The following SLC33A1 variants were observed in gnomAD, a reference collection of about 807,000 sequenced individuals.
SLC33A1 encodes the protein solute carrier family 33 member 1.
Under a neutral mutation model 50.0 loss-of-function variants are expected in SLC33A1, and 20 were observed. That is an observed-to-expected ratio of 0.40 (90% CI 0.28 to 0.58). The LOEUF is 0.58. Ranked by LOEUF, SLC33A1 falls within the 20% of genes least tolerant of loss-of-function variation. The probability of loss-of-function intolerance (pLI) is 0.44; values close to 1 mark genes in which losing one functional copy is unlikely to be tolerated. For missense variants in SLC33A1, 476 were observed against 657.0 expected (o/e 0.72, Z 3.01); for synonymous variants, 265 against 251.8 (o/e 1.05, Z -0.50).
chr3:155,841,747 T>C (rs1321670313), intron 2 of SLC33A1, among the ~76,000 whole-genome samples: 4 of 152,006 alleles, frequency 2.6e-5, no homozygotes, highest in Non-Finnish European at 5.9e-5. Flanking sequence ...TATTTATTTA[T>C]TTATTTATTT....
intron 1 of SLC33A1, among the ~76,000 whole-genome samples, chr3:155,846,150 A>G (rs527777121): frequency 1.3e-5 from 2 of 152,364 alleles, no homozygotes; most frequent in East Asian, 1.9e-4. Flanking sequence ...AGTGTCTATT[A>G]TAAGATCTGG....
chr3:155,830,208 CA>C (rs1182731725), intron 4 of SLC33A1, among the ~76,000 whole-genome samples: 6,713 of 105,284 alleles, frequency 0.064, 454 homozygotes, highest in African/African-American at 0.19. Context: ...CTGAAAAATA[CA>C]AAAAAAAAAA....
intron 5 of SLC33A1, among the ~76,000 whole-genome samples, chr3:155,828,865 C>T (rs1309173862): frequency 7.3e-5 from 11 of 150,610 alleles, no homozygotes; most frequent in Admixed American, 6.6e-5. Flanking sequence ...GCTGGAATTA[C>T]GGGTGTGAGC....
At chr3:155,839,765 T>A (rs778544023) in intron 2 of SLC33A1, among the ~76,000 whole-genome samples, 3 of 151,912 alleles carry the variant, frequency 2.0e-5, no homozygotes, top group South Asian at 2.1e-4. Flanking sequence ...CTGGCCGACA[T>A]AGTGAAACCC....
intron 5 of SLC33A1, 64 bp from the exon 6 acceptor site, chr3:155,828,441 A>G: frequency 1.1e-6 from 1 of 890,784 alleles, no homozygotes. Context: ...AGCAATTAAC[A>G]TGCTTCTACT....
chr3:155,852,983 GGTTGT>G (rs1445709015), intron 1 of SLC33A1: 101 of 563,718 alleles, frequency 1.8e-4, no homozygotes, highest in Non-Finnish European at 3.0e-4. Context: ...CCCTGGACTC[GGTTGT>G]GTTATTTGAT....
rs997748685 is a variant in SLC33A1, at chr3:155,826,533, G to T, written c.*1677C>A. 4 of 151,848 alleles carry T rather than the reference G, an allele frequency of 2.6e-5. No individual in the cohort carries two copies. Among genetic ancestry groups the T allele is most frequent in the Non-Finnish European group, 4.4e-5 (3 of 67,960 alleles). 9.4% of individuals were successfully genotyped at this position (151,848 alleles called of 1,614,324 possible). A position where few individuals can be genotyped will look rare whatever the true frequency, so the allele number is the denominator to read the frequency against. ...ACATTTCATATGTAAGAGTTAAGTGGTTTTTTTTCTTTATTCAAGTAATCA... is the reference window on the plus strand; with the variant it reads ...ACATTTCATATGTAAGAGTTAAGTGTTTTTTTTTCTTTATTCAAGTAATCA... On this transcript the variant is annotated 3_prime_UTR_variant, in exon 6 of 6. Coordinates refer to ENST00000643144, the MANE Select transcript of SLC33A1 (RefSeq NM_004733.4).
chr3:155,834,967 C>A (rs1011760864), intron 2 of SLC33A1, among the ~76,000 whole-genome samples: 1 of 152,112 alleles, frequency 6.6e-6, no homozygotes, highest in Non-Finnish European at 1.5e-5. Context: ...ATGTGTGATC[C>A]TAGATTAGAT....
At chr3:155,835,866 T>G (rs1003137690) in intron 2 of SLC33A1, among the ~76,000 whole-genome samples, 12 of 152,124 alleles carry the variant, frequency 7.9e-5, no homozygotes, top group African/African-American at 2.4e-4. Context: ...CCTACTAAAC[T>G]TCTGCTGTTA....
In SLC33A1 at chr3:155,828,189, G is replaced by C. The variant is rs757561139; in HGVS notation, c.*21C>G. On this transcript the variant is annotated 3_prime_UTR_variant, in exon 6 of 6. Transcript: ENST00000643144. ...AAACTAAACTACAATTACCTTGCTA[G>C]AATGTCCAGTAGCATATATATTAAT... The C allele has an allele frequency of 6.4e-7, 1 of 1,554,050 alleles. No individual in the cohort carries two copies. The highest frequency in any genetic ancestry group is 8.9e-7 in the Non-Finnish European group (1 of 1,125,446).
rs1005333517 is a variant in SLC33A1, at chr3:155,827,111, A to G, written c.*1099T>C. 2.0e-5 allele frequency: 3 copies of G among 152,254 alleles called. No individual in the cohort carries two copies. Among genetic ancestry groups the G allele is most frequent in the Non-Finnish European group, 4.4e-5 (3 of 68,050 alleles). The allele number at this position is 152,254 out of a possible 1,614,324, so 9.4% of individuals were successfully genotyped here. A position where few individuals can be genotyped will look rare whatever the true frequency, so the allele number is the denominator to read the frequency against. On this transcript the variant is annotated 3_prime_UTR_variant, in exon 6 of 6. Coordinates refer to ENST00000643144, the MANE Select transcript of SLC33A1 (RefSeq NM_004733.4). ...GTTATGTGTTAATACATGAAAATAC[A>G]GTACCTGATTTGGCATAAATTGTGA... is the stretch of plus-strand genomic sequence containing the variant.
chr3:155,852,290 C>T (rs985001449), intron 1 of SLC33A1, among the ~76,000 whole-genome samples: 3 of 151,666 alleles, frequency 2.0e-5, no homozygotes, highest in Non-Finnish European at 2.9e-5. Flanking sequence ...AGACAGCCCC[C>T]CCGACCCCCA....
In SLC33A1 at chr3:155,824,698, A is replaced by G. The variant is rs1752163658; in HGVS notation, c.*3512T>C. 1.3e-5 allele frequency: 2 copies of G among 152,120 alleles called. No homozygotes were observed. Among genetic ancestry groups the G allele is most frequent in the Non-Finnish European group, 2.9e-5 (2 of 68,032 alleles). 9.4% of individuals were successfully genotyped at this position (152,120 alleles called of 1,614,324 possible). On this transcript the variant is annotated 3_prime_UTR_variant, in exon 6 of 6. Transcript: ENST00000643144. ...TGGCTTATAGTACGGTCTACTTTCA[A>G]AACCATGATTTTTGGATCATGGCCC...
Position 155,833,884 on chromosome 3 carries a change from T to C in SLC33A1, c.1121A>G (p.Asn374Ser). 6.2e-7 allele frequency: 1 copy of C among 1,613,916 alleles called. No homozygotes were observed. The highest frequency in any genetic ancestry group is 1.3e-5 in the African/African-American group (1 of 75,044). ...GTAGGGCATGGCTTTGTAAAATGTG[T>C]TTAATGGCTGGGGACCTGCAGTGTA... ...SKYTAGPQPL[N>S]TFYKAMPYRL... The change falls in exon 3 of 6, where the codon AAC becomes AGC. Residue 374 changes from asparagine (N) to serine (S), a missense_variant. Transcript: ENST00000643144.
At chr3:155,846,189 C>T (rs561530817) in intron 1 of SLC33A1, among the ~76,000 whole-genome samples, 1 of 152,286 alleles carries the variant, frequency 6.6e-6, no homozygotes, top group South Asian at 2.1e-4. Flanking sequence ...TCATTTAAAT[C>T]CCAAAATCAC....
chr3:155,836,318 AGAAAG>A (rs1752672892), intron 2 of SLC33A1, among the ~76,000 whole-genome samples: 6 of 143,224 alleles, frequency 4.2e-5, no homozygotes, highest in African/African-American at 1.6e-4. Context: ...AAAAAAGGAA[AGAAAG>A]AAAAAAAGAA....
Position 155,823,937 on chromosome 3 carries a change from C to T in SLC33A1, c.*4273G>A, listed in dbSNP as rs1752147117. On this transcript the variant is annotated 3_prime_UTR_variant, in exon 6 of 6. Transcript: ENST00000643144. ...CCATGTTGGCCAGGCTGGTCTCAAA[C>T]TCCTGACCTCAAGTGATCCACCCAC... 6.6e-6 allele frequency: 1 copy of T among 152,154 alleles called. No homozygotes were observed. Among genetic ancestry groups the T allele is most frequent in the East Asian group, 2.0e-4 (1 of 5,116 alleles). The allele number at this position is 152,154 out of a possible 1,614,324, so 9.4% of individuals were successfully genotyped here. A position where few individuals can be genotyped will look rare whatever the true frequency, so the allele number is the denominator to read the frequency against.
chr3:155,833,794 G>C, intron 3 of SLC33A1, 63 bp downstream of exon 3: 1 of 1,215,870 alleles, frequency 8.2e-7, no homozygotes, highest in South Asian at 1.2e-5. Flanking sequence ...AGATATTAGT[G>C]GTATTGATGA....
chr3:155,832,723 CAA>C (rs11303771), intron 4 of SLC33A1, among the ~76,000 whole-genome samples: 587 of 28,042 alleles, frequency 0.021, no homozygotes, highest in African/African-American at 0.048. Context: ...GACTCTGTCT[CAA>C]AAAAAAAAAA....
Sources: gnomAD v4.1 joint callset for allele counts (sites outside exome capture counted in the v4.1 genomes callset) on GRCh38, gnomAD v4.1.1 for gene constraint, MANE v1.5 for transcripts, NCBI Gene and HGNC (gene_info 2026-07-23, HGNC 2026-07-21) for gene names.